Variants in CSGALNACT1 observed in about 807,000 individuals in gnomAD.
CSGALNACT1 encodes chondroitin sulfate N-acetylgalactosaminyltransferase 1, also known as beta4GalNAcT-1.
A neutral mutation model predicts 51.0 loss-of-function variants in CSGALNACT1; 52 were observed. The observed-to-expected ratio is 1.02, with a 90% confidence interval of 0.82 to 1.29. CSGALNACT1 has a LOEUF of 1.29. Ranked by LOEUF, CSGALNACT1 falls within the 50% of genes most tolerant of loss-of-function variation. The pLI, the probability that CSGALNACT1 is intolerant of heterozygous loss-of-function variation, is 0.00. For synonymous variants in CSGALNACT1, 341 were observed against 254.4 expected, an observed-to-expected ratio of 1.34 and a Z score of -3.24; for missense variants, 935 against 679.2, an observed-to-expected ratio of 1.38 and a Z score of -4.19.
intron 4 of CSGALNACT1, among the ~76,000 whole-genome samples, chr8:19,473,404 C>T (rs1159548648): frequency 6.6e-6 from 1 of 152,130 alleles, no homozygotes; most frequent in Non-Finnish European, 1.5e-5. Context: ...CCTTGTATAA[C>T]ACCTACATCA....
At chr8:19,634,444 T>C (rs1367641290) in intron 1 of CSGALNACT1, among the ~76,000 whole-genome samples, 1 of 151,720 alleles carries the variant, frequency 6.6e-6, no homozygotes, top group Non-Finnish European at 1.5e-5. Flanking sequence ...AGAGGATCAT[T>C]TGAGCCAAAG....
chr8:19,719,762 A>T (rs1381501755), intron 1 of CSGALNACT1, among the ~76,000 whole-genome samples: 1 of 147,728 alleles, frequency 6.8e-6, no homozygotes, highest in Admixed American at 6.8e-5. Context: ...GCCTACATTC[A>T]CCTCTCTTCT....
chr8:19,523,882 G>C (rs1001214005), intron 3 of CSGALNACT1, among the ~76,000 whole-genome samples: 1 of 152,178 alleles, frequency 6.6e-6, no homozygotes, highest in Non-Finnish European at 1.5e-5. Flanking sequence ...TCAGAGGAGA[G>C]AAAGATCATC....
intron 1 of CSGALNACT1, among the ~76,000 whole-genome samples, chr8:19,734,058 T>A (rs1489737669): frequency 6.6e-6 from 1 of 152,140 alleles, no homozygotes; most frequent in Non-Finnish European, 1.5e-5. Context: ...AATCAAGGGA[T>A]GGAGAGGGAC....
At chr8:19,541,553 A>ATTTTT (rs1159626193) in intron 3 of CSGALNACT1, among the ~76,000 whole-genome samples, 2,211 of 70,048 alleles carry the variant, frequency 0.032, 446 homozygotes, top group African/African-American at 0.095. Flanking sequence ...TGCTCAGCCA[A>ATTTTT]TTTTTTTTTT....
intron 1 of CSGALNACT1, among the ~76,000 whole-genome samples, chr8:19,653,552 G>C (rs1019137400): frequency 6.6e-6 from 1 of 152,156 alleles, no homozygotes; most frequent in Non-Finnish European, 1.5e-5. Flanking sequence ...CCAGCACTTT[G>C]GGAGGCCAAG....
At chr8:19,695,162 A>AT (rs1261649415) in intron 1 of CSGALNACT1, among the ~76,000 whole-genome samples, 4 of 152,204 alleles carry the variant, frequency 2.6e-5, no homozygotes, top group African/African-American at 9.7e-5. Flanking sequence ...GAAATTCAAT[A>AT]TATTTTCACA....
chr8:19,684,393 C>T (rs1295341120), upstream of CSGALNACT1, among the ~76,000 whole-genome samples: 2 of 152,092 alleles, frequency 1.3e-5, no homozygotes, highest in African/African-American at 2.4e-5. Flanking sequence ...CAAACATTCA[C>T]CATATGAGAC....
intron 1 of CSGALNACT1, among the ~76,000 whole-genome samples, chr8:19,629,714 G>C (rs1179488336): frequency 6.6e-6 from 1 of 152,138 alleles, no homozygotes; most frequent in Non-Finnish European, 1.5e-5. Flanking sequence ...GCCTCAAAAT[G>C]CTACTAACCT....
At chr8:19,627,917 G>A (rs1455390927) in intron 1 of CSGALNACT1, among the ~76,000 whole-genome samples, 1 of 152,128 alleles carries the variant, frequency 6.6e-6, no homozygotes, top group African/African-American at 2.4e-5. Flanking sequence ...TCCATGTCTT[G>A]GTCTTGATAA....
chr8:19,655,422 A>T (rs1194810977), intron 1 of CSGALNACT1, among the ~76,000 whole-genome samples: 1 of 152,030 alleles, frequency 6.6e-6, no homozygotes, highest in Non-Finnish European at 1.5e-5. Flanking sequence ...GTGCAGTGGC[A>T]CTATCATGGC....
chr8:19,690,764 A>G (rs1034726637), intron 1 of CSGALNACT1, among the ~76,000 whole-genome samples: 1 of 152,208 alleles, frequency 6.6e-6, no homozygotes, highest in African/African-American at 2.4e-5. Context: ...CACCCTTTCT[A>G]TCCTGCAAGC....
chr8:19,585,133 A>T (rs370393206), intron 3 of CSGALNACT1: 8 of 152,238 alleles, frequency 5.3e-5, no homozygotes, highest in African/African-American at 1.9e-4. Flanking sequence ...AATAGATTAC[A>T]TAGTGCTTGA....
At chr8:19,671,412 T>A (rs2059787550) in intron 1 of CSGALNACT1, among the ~76,000 whole-genome samples, 1 of 152,224 alleles carries the variant, frequency 6.6e-6, no homozygotes, top group Non-Finnish European at 1.5e-5. Flanking sequence ...GGTAACCCAT[T>A]TTTATTATGG....
At chr8:19,480,138 G>C (rs564707523) in intron 4 of CSGALNACT1, among the ~76,000 whole-genome samples, 1 of 152,246 alleles carries the variant, frequency 6.6e-6, no homozygotes, top group African/African-American at 2.4e-5. Flanking sequence ...TTGAAGTTCA[G>C]GGATACATGT....
rs574621020 is a variant in CSGALNACT1, at chr8:19,754,103, A to G, written c.-297+3747T>C. Among the ~76,000 whole-genome samples, 49 of 152,152 alleles carry G rather than the reference A, an allele frequency of 3.2e-4. No homozygotes were observed. In the South Asian group the frequency reaches 4.8e-3, roughly 15 times the overall value. ...AGGGCAGTGGCCTGATCTCAGCTCA[A>G]TGCAACCTCCGCCTCCCTGGTTCAG... On this transcript the variant is annotated intron_variant, in intron 1 of 1. Coordinates refer to the CSGALNACT1 transcript ENST00000517494.
rs114502773 is a variant in CSGALNACT1, at chr8:19,569,098, G to A, written c.-297+22062C>T. On this transcript the variant is annotated intron_variant, in intron 3 of 9. Transcript: ENST00000454498. ...AATTCTGATAATGTAGAAAAGAAAT[G>A]AGAGAGCTTTTAAGGAGACAGATAT... 5.8e-3 allele frequency among the ~76,000 whole-genome samples: 888 copies of A among 152,360 alleles called. 8 individuals carry two copies. Among genetic ancestry groups the A allele is most frequent in the African/African-American group, 0.021 (862 of 41,586 alleles).
chr8:19,703,833 G>A (rs536176516), intron 1 of CSGALNACT1, among the ~76,000 whole-genome samples: 3 of 152,320 alleles, frequency 2.0e-5, no homozygotes, highest in East Asian at 1.9e-4. Context: ...TACAAAGTAC[G>A]TTACAATTAA....
intron 1 of CSGALNACT1, among the ~76,000 whole-genome samples, chr8:19,660,860 C>T (rs528875593): frequency 2.0e-5 from 3 of 152,146 alleles, no homozygotes; most frequent in Non-Finnish European, 4.4e-5. Context: ...ATTCCCAAAA[C>T]CTCCAGAATG....
Sources: gnomAD v4.1 joint callset for allele counts (sites outside exome capture counted in the v4.1 genomes callset) on GRCh38, gnomAD v4.1.1 for gene constraint, MANE v1.5 for transcripts, NCBI Gene and HGNC (gene_info 2026-07-23, HGNC 2026-07-21) for gene names.